PCNX2: variants seen among roughly 807,000 people sequenced by gnomAD.
PCNX2 encodes pecanex 2.
In PCNX2, 168 loss-of-function variants were observed where a neutral mutation model predicts 223.8. The ratio of observed to expected loss-of-function variants is 0.75; its 90% CI spans 0.66 to 0.85. The LOEUF is 0.85. Among genes scored for constraint, PCNX2 ranks in the 40% least tolerant of loss-of-function variants. The probability of loss-of-function intolerance (pLI) is 0.00; values close to 1 mark genes in which losing one functional copy is unlikely to be tolerated. For missense variants in PCNX2, 2,507 were observed against 2,675.5 expected (o/e 0.94, Z 1.39); for synonymous variants, 1,006 against 1,052.6 (o/e 0.96, Z 0.86).
chr1:233,075,492 G>T (rs1372471112), intron 23 of PCNX2, among the ~76,000 whole-genome samples: 6 of 152,052 alleles, frequency 3.9e-5, no homozygotes, highest in Admixed American at 1.3e-4. Context: ...AAATCTTCTG[G>T]TTTTTTGTAT....
At chr1:233,036,069 A>C (rs1671443570) in intron 25 of PCNX2, among the ~76,000 whole-genome samples, 1 of 152,170 alleles carries the variant, frequency 6.6e-6, no homozygotes, top group Non-Finnish European at 1.5e-5. Context: ...AAAGTTTTTG[A>C]ATGATTGTCA....
intron 1 of PCNX2, among the ~76,000 whole-genome samples, chr1:233,283,976 G>A (rs1661319656): frequency 6.6e-6 from 1 of 152,120 alleles, no homozygotes; most frequent in South Asian, 2.1e-4. Context: ...GGGGAGAGGT[G>A]GGAGAATTCT....
intron 28 of PCNX2, among the ~76,000 whole-genome samples, chr1:233,010,846 C>T (rs1247077979): frequency 1.3e-5 from 2 of 152,166 alleles, no homozygotes; most frequent in African/African-American, 4.8e-5. Flanking sequence ...ACTCATCCTC[C>T]CTAATTTTGC....
rs959075172 is a variant in PCNX2 at position 232,991,194 on chromosome 1, C to T, written c.5792-4654G>A. Among the ~76,000 whole-genome samples, 2 of 152,084 alleles carry T rather than the reference C, an allele frequency of 1.3e-5. No individual in the cohort carries two copies. Among genetic ancestry groups the T allele is most frequent in the Non-Finnish European group, 2.9e-5 (2 of 68,010 alleles). ...TGCTGTATGGAAGGCTGGCCAGGGT[C>T]TCTTGGATAAGCTGGGATTTGATGG... On this transcript the variant is annotated intron_variant, in intron 32 of 33. Transcript: ENST00000258229. The surrounding 1 kb of genome is among the most constrained non-coding windows in gnomAD (Gnocchi z 4.3).
rs180729404 is a variant in PCNX2, at chr1:233,160,269, G to A, written c.3517+14C>T. 8.8e-4 allele frequency: 1,413 copies of A among 1,596,780 alleles called. 7 individuals are homozygous for A. In the African/African-American group the frequency reaches 0.016, roughly 18 times the overall value. On this transcript the variant is annotated intron_variant, in intron 19 of 33. Coordinates refer to ENST00000258229, the MANE Select transcript of PCNX2 (RefSeq NM_014801.4). ...TCCTTTTTTTTTTTTTTAAATGAGG[G>A]ATATATTACTAACCTCTCACTTCCC...
intron 15 of PCNX2, among the ~76,000 whole-genome samples, chr1:233,185,117 A>T (rs993782960): frequency 4.7e-5 from 7 of 149,932 alleles, no homozygotes; most frequent in Admixed American, 2.0e-4. Flanking sequence ...ACACACACAC[A>T]CACACACACA....
intron 28 of PCNX2, among the ~76,000 whole-genome samples, chr1:233,010,059 G>A (rs1401764723): frequency 1.7e-5 from 2 of 117,192 alleles, no homozygotes; most frequent in African/African-American, 8.8e-5. Context: ...ATTGCATCCT[G>A]TTTACTTTAT....
At chr1:233,040,126 C>T (rs1399549948) in intron 25 of PCNX2, among the ~76,000 whole-genome samples, 1 of 152,124 alleles carries the variant, frequency 6.6e-6, no homozygotes, top group Non-Finnish European at 1.5e-5. Context: ...TTGTTTTTCT[C>T]CTGCTTTTCA....
intron 24 of PCNX2, among the ~76,000 whole-genome samples, chr1:233,056,033 T>G (rs1672180215): frequency 6.6e-6 from 1 of 152,202 alleles, no homozygotes. Context: ...CTAGAGCATT[T>G]ATAACTTAAT....
At chr1:233,090,338 T>C (rs1234514722) in intron 22 of PCNX2, 148 bp from the exon 23 acceptor site, 8 of 962,300 alleles carry the variant, frequency 8.3e-6, no homozygotes, top group Non-Finnish European at 1.2e-5. Flanking sequence ...TATGTATAGA[T>C]TTATAAATAT....
intron 25 of PCNX2, among the ~76,000 whole-genome samples, chr1:233,042,283 A>G (rs1671669886): frequency 1.3e-5 from 2 of 152,174 alleles, no homozygotes; most frequent in African/African-American, 4.8e-5. Flanking sequence ...TCAACCTGCC[A>G]GCCTCATCCC....
chr1:233,291,742 CATTA>C (rs1661779792), intron 1 of PCNX2: 1 of 972,660 alleles, frequency 1.0e-6, no homozygotes. Context: ...TCTGAATCTC[CATTA>C]ATTATCATCT....
At chr1:233,282,768 T>C (rs561126538) in intron 1 of PCNX2, among the ~76,000 whole-genome samples, 1 of 152,216 alleles carries the variant, frequency 6.6e-6, no homozygotes, top group Admixed American at 6.5e-5. Context: ...AGAAACCTTT[T>C]GATAAAGTAA....
chr1:233,103,477 A>G (rs916990788), intron 21 of PCNX2, among the ~76,000 whole-genome samples: 1 of 152,010 alleles, frequency 6.6e-6, no homozygotes, highest in African/African-American at 2.4e-5. Context: ...TCTATTCTCT[A>G]TCTCTAAGAG....
chr1:233,082,421 G>C (rs1673403177), intron 23 of PCNX2, among the ~76,000 whole-genome samples: 2 of 152,200 alleles, frequency 1.3e-5, no homozygotes, highest in Non-Finnish European at 2.9e-5. Context: ...GGAGATTCAT[G>C]ACATTTATCT....
Position 233,177,879 on chromosome 1 carries a change from G to A in PCNX2, c.3196C>T (p.Leu1066=). 1 of 1,613,800 alleles carries A rather than the reference G, an allele frequency of 6.2e-7. No homozygotes were observed. The highest frequency in any genetic ancestry group is 8.5e-7 in the Non-Finnish European group (1 of 1,179,730). ...TTTTGATGTAAAAATTTAGGAAACA[G>A]CCTGCATTGGATGAAGGACCTGAAA... The part of the protein sequence containing the change: ...SVLMSFIQCR[L]FPKFLHQNLA... The change falls in exon 17 of 34, where the codon CTG becomes TTG. Residue 1066 remains leucine, a synonymous_variant. Transcript: ENST00000258229.
In PCNX2 at chr1:233,295,195, C is replaced by A. The variant is rs1662005524; in HGVS notation, c.153+131G>T. 1.5e-6 allele frequency: 2 copies of A among 1,298,814 alleles called. No individual in the cohort carries two copies. The highest frequency in any genetic ancestry group is 2.9e-5 in the South Asian group (2 of 69,260). The allele number at this position is 1,298,814 out of a possible 1,614,324, so 80.5% of individuals were successfully genotyped here. A position where few individuals can be genotyped will look rare whatever the true frequency, so the allele number is the denominator to read the frequency against. ...TGTTCTCTGTCCCAAATTTCTGAAGCCCCTCCCTTTCCGTCTCTTAAGAAT... is the reference window on the plus strand; with the variant it reads ...TGTTCTCTGTCCCAAATTTCTGAAGACCCTCCCTTTCCGTCTCTTAAGAAT... On this transcript the variant is annotated intron_variant, in intron 1 of 33. Transcript: ENST00000258229. The surrounding 1 kb of genome is among the most constrained non-coding windows in gnomAD (Gnocchi z 4.1).
At chr1:233,038,570 G>A (rs1474942587) in intron 25 of PCNX2, among the ~76,000 whole-genome samples, 2 of 152,158 alleles carry the variant, frequency 1.3e-5, no homozygotes, top group African/African-American at 4.8e-5. Context: ...AGAAAAATAC[G>A]TGGTCAGGGA....
chr1:233,222,714 T>G (rs1379952750), intron 10 of PCNX2, among the ~76,000 whole-genome samples: 1 of 152,074 alleles, frequency 6.6e-6, no homozygotes, highest in Non-Finnish European at 1.5e-5. Flanking sequence ...AGAGACTGAA[T>G]GCAGGTGTGA....
Sources: allele counts gnomAD v4.1 joint callset (sites outside exome capture counted in the v4.1 genomes callset), GRCh38; gene constraint gnomAD v4.1.1; non-coding constraint Gnocchi (gnomAD v3.1); transcripts MANE v1.5; gene names NCBI Gene and HGNC (gene_info 2026-07-23, HGNC 2026-07-21).